Variants in USP3 observed in about 807,000 individuals in gnomAD.
The protein encoded by USP3 is ubiquitin specific peptidase 3.
A neutral mutation model predicts 72.3 loss-of-function variants in USP3; 20 were observed. That is an observed-to-expected ratio of 0.28 (90% CI 0.19 to 0.40). USP3 has a LOEUF of 0.40. Among genes scored for constraint, USP3 ranks in the 10% least tolerant of loss-of-function variants. USP3 has a pLI of 1.00. For missense variants in USP3, 479 were observed against 633.9 expected (o/e 0.76, Z 2.62); for synonymous variants, 222 against 225.3 (o/e 0.99, Z 0.13).
rs1595780371 is a variant in USP3 at position 63,588,051 on chromosome 15, G to A, written c.1097-254G>A. The A allele has an allele frequency of 3.2e-6, 1 of 309,336 alleles. No homozygotes were observed. Among genetic ancestry groups the A allele is most frequent in the African/African-American group, 2.2e-5 (1 of 46,214 alleles). 19.2% of individuals were successfully genotyped at this position (309,336 alleles called of 1,614,324 possible). A position where few individuals can be genotyped will look rare whatever the true frequency, so the allele number is the denominator to read the frequency against. On this transcript the variant is annotated intron_variant, in intron 11 of 14. Transcript: ENST00000380324. The surrounding 1 kb of genome is among the most constrained non-coding windows in gnomAD (Gnocchi z 4.6). Reference sequence around the variant, plus strand: ...TTATCCAGATGAATTATCATTAATAGTAAAACCAACACAATTGATCATCAC... The same window carrying A: ...TTATCCAGATGAATTATCATTAATAATAAAACCAACACAATTGATCATCAC...
At chr15:63,557,430 C>T (rs4984300) in intron 5 of USP3, among the ~76,000 whole-genome samples, 101,924 of 152,014 alleles carry the variant, frequency 0.67, 35,354 homozygotes, top group Non-Finnish European at 0.73. Context: ...GCCCGGCTAA[C>T]TTTTTCTGTT....
At chr15:63,516,685 C>G (rs964109578) in intron 1 of USP3, among the ~76,000 whole-genome samples, 21 of 152,092 alleles carry the variant, frequency 1.4e-4, no homozygotes, top group Admixed American at 1.3e-3. Flanking sequence ...CTGATTTCCT[C>G]CTCCACATAT....
In USP3 at chr15:63,544,561, A is replaced by G; in HGVS notation, c.284+7405A>G. ...AGTGTTTCTAAAGTTAGAATTTTTTAAAGGAAGTAAACCTACATTAAATTT... is the reference window on the plus strand; with the variant it reads ...AGTGTTTCTAAAGTTAGAATTTTTTGAAGGAAGTAAACCTACATTAAATTT... On this transcript the variant is annotated intron_variant, in intron 3 of 14. Coordinates refer to ENST00000380324, the MANE Select transcript of USP3 (RefSeq NM_006537.4). The surrounding 1 kb of genome is among the most constrained non-coding windows in gnomAD (Gnocchi z 4.2). The G allele has an allele frequency of 1.7e-6, 1 of 584,418 alleles. No individual in the cohort carries two copies. The highest frequency in any genetic ancestry group is 3.0e-6 in the Non-Finnish European group (1 of 330,332). The allele number at this position is 584,418 out of a possible 1,614,324, so 36.2% of individuals were successfully genotyped here.
chr15:63,504,989 G>T (rs1310477204), intron 1 of USP3, among the ~76,000 whole-genome samples, 159 bp downstream of exon 1: 1 of 150,466 alleles, frequency 6.6e-6, no homozygotes, highest in African/African-American at 2.4e-5. Context: ...AGGCGGGCGC[G>T]TGCGGGAGCG....
chr15:63,512,378 CTTTCTT>C (rs2065800930), intron 1 of USP3, among the ~76,000 whole-genome samples: 1 of 144,080 alleles, frequency 6.9e-6, no homozygotes, highest in African/African-American at 2.7e-5. Context: ...CTTCTTTCTT[CTTTCTT>C]TTTCTTCTTT....
chr15:63,525,961 A>G (rs62011325), intron 1 of USP3, among the ~76,000 whole-genome samples: 18,887 of 152,224 alleles, frequency 0.12, 1,591 homozygotes, highest in South Asian at 0.19. Context: ...CCATAGAGCT[A>G]TAATCTTGGA....
In USP3 at chr15:63,593,464, T is replaced by TG. The variant is rs1163859191; in HGVS notation, c.*2639dup. ...GTAAAGGCCTGGGCAGAGTTGATGG[T>TG]GAAAAAAAGCTGTATTTTTATACCA... On this transcript the variant is annotated 3_prime_UTR_variant, in exon 15 of 15. Transcript: ENST00000380324. 1.3e-5 allele frequency: 2 copies of TG among 152,342 alleles called. No individual in the cohort carries two copies. The highest frequency in any genetic ancestry group is 3.9e-4 in the East Asian group (2 of 5,188). The allele number at this position is 152,342 out of a possible 1,614,324, so 9.4% of individuals were successfully genotyped here. A position where few individuals can be genotyped will look rare whatever the true frequency, so the allele number is the denominator to read the frequency against.
chr15:63,573,494 T>A (rs1159333697), intron 9 of USP3, among the ~76,000 whole-genome samples: 1 of 152,216 alleles, frequency 6.6e-6, no homozygotes, highest in African/African-American at 2.4e-5. Context: ...TATCCAGAAT[T>A]TTCAATTGTG....
chr15:63,545,970 CAA>C (rs60122671), intron 3 of USP3, among the ~76,000 whole-genome samples: 4 of 68,848 alleles, frequency 5.8e-5, no homozygotes, highest in African/African-American at 1.8e-4. Flanking sequence ...GACCTTGTCT[CAA>C]AAAAAAAAAA....
chr15:63,575,559 C>G (rs1361489377), intron 11 of USP3, among the ~76,000 whole-genome samples: 1 of 152,068 alleles, frequency 6.6e-6, no homozygotes, highest in African/African-American at 2.4e-5. Context: ...CAGAGCAACT[C>G]TGTATATGAA....
At chr15:63,510,476 G>A (rs1432320460) in intron 1 of USP3, among the ~76,000 whole-genome samples, 2 of 152,118 alleles carry the variant, frequency 1.3e-5, no homozygotes, top group Non-Finnish European at 2.9e-5. Flanking sequence ...TTCAACCAAG[G>A]CATTGAAATA....
intron 8 of USP3, among the ~76,000 whole-genome samples, chr15:63,566,430 A>G (rs1157003736): frequency 6.6e-6 from 1 of 151,948 alleles, no homozygotes; most frequent in Non-Finnish European, 1.5e-5. Context: ...CTCCTGCCTC[A>G]GCCTCTCAAG....
At chr15:63,585,177 T>C (rs1421974504) in intron 11 of USP3, among the ~76,000 whole-genome samples, 1 of 152,196 alleles carries the variant, frequency 6.6e-6, no homozygotes, top group Non-Finnish European at 1.5e-5. Context: ...TATAACTTTG[T>C]TGTTCTTTTT....
At chr15:63,508,312 A>G (rs1311446532) in intron 1 of USP3, among the ~76,000 whole-genome samples, 1 of 152,114 alleles carries the variant, frequency 6.6e-6, no homozygotes, top group Non-Finnish European at 1.5e-5. Context: ...AAGGCTACCA[A>G]CGTTTATGTT....
chr15:63,546,578 C>G (rs2066331360), intron 3 of USP3, among the ~76,000 whole-genome samples: 2 of 152,076 alleles, frequency 1.3e-5, no homozygotes, highest in South Asian at 4.1e-4. Flanking sequence ...ACTTTTAAAT[C>G]CATCTGTTTG....
rs1344461914 is a variant in USP3, at chr15:63,574,241, G to GAAAT, written c.1016-80_1016-77dup. On this transcript the variant is annotated intron_variant, in intron 10 of 14. Transcript: ENST00000380324. This position sits in a 1 kb window ranked among gnomAD's most constrained non-coding sequence, Gnocchi z 4.6. ...AAAAATAAGTGTAAAGAGAAATCTA[G>GAAAT]AAATACATCAGTTTGTGAAATTATT... The GAAAT allele has an allele frequency of 2.8e-6, 4 of 1,421,790 alleles. No homozygotes were observed. Among genetic ancestry groups the GAAAT allele is most frequent in the Non-Finnish European group, 3.8e-6 (4 of 1,065,172 alleles). 88.1% of individuals were successfully genotyped at this position (1,421,790 alleles called of 1,614,324 possible). A position where few individuals can be genotyped will look rare whatever the true frequency, so the allele number is the denominator to read the frequency against.
intron 1 of USP3, among the ~76,000 whole-genome samples, chr15:63,505,717 A>G (rs962457595): frequency 6.6e-6 from 1 of 152,142 alleles, no homozygotes; most frequent in Non-Finnish European, 1.5e-5. Context: ...CACCGGCCAC[A>G]CGGCTTTGCT....
intron 1 of USP3, among the ~76,000 whole-genome samples, chr15:63,510,453 A>G (rs1025781095): frequency 1.3e-5 from 2 of 152,274 alleles, no homozygotes; most frequent in East Asian, 3.9e-4. Context: ...ACCTACATAC[A>G]TACAGGTTTG....
At chr15:63,541,300 A>G (rs1370071872) in intron 3 of USP3, among the ~76,000 whole-genome samples, 1 of 152,194 alleles carries the variant, frequency 6.6e-6, no homozygotes, top group Non-Finnish European at 1.5e-5. Context: ...TGGCAATTTT[A>G]ATTAAAATGA....
Sources: gnomAD v4.1 joint callset for allele counts (sites outside exome capture counted in the v4.1 genomes callset) on GRCh38, gnomAD v4.1.1 for gene constraint, Gnocchi (gnomAD v3.1) non-coding constraint, MANE v1.5 for transcripts, NCBI Gene and HGNC (gene_info 2026-07-23, HGNC 2026-07-21) for gene names.